GMPR: variants seen among roughly 807,000 people sequenced by gnomAD.
GMPR encodes guanosine monophosphate reductase.
A neutral mutation model predicts 38.4 loss-of-function variants in GMPR; 31 were observed. That is an observed-to-expected ratio of 0.81 (90% confidence interval 0.61 to 1.09). GMPR has a LOEUF of 1.09. Among genes scored for constraint, GMPR ranks in the 50% least tolerant of loss-of-function variants. The pLI is 0.00. For synonymous variants in GMPR, 162 were observed against 173.3 expected, an observed-to-expected ratio of 0.93 and a Z score of 0.51; for missense variants, 468 against 453.7, an observed-to-expected ratio of 1.03 and a Z score of -0.29.
intron 4 of GMPR, among the ~76,000 whole-genome samples, chr6:16,266,486 C>T (rs1465891013): frequency 1.2e-5 from 1 of 84,450 alleles, no homozygotes; most frequent in Non-Finnish European, 2.2e-5. Context: ...GAAAAGGTGG[C>T]ACGTCCGACG....
intron 8 of GMPR, among the ~76,000 whole-genome samples, chr6:16,294,568 A>T (rs1362891118): frequency 6.6e-6 from 1 of 152,158 alleles, no homozygotes; most frequent in Non-Finnish European, 1.5e-5. Context: ...CCAGGGGGGA[A>T]TCGGCCAGGG....
At chr6:16,266,799 CAAACAAAA>C (rs1561827715) in intron 4 of GMPR, among the ~76,000 whole-genome samples, 2 of 151,154 alleles carry the variant, frequency 1.3e-5, no homozygotes, top group African/African-American at 4.9e-5. Context: ...AAAAAACAAA[CAAACAAAA>C]AAAGAGCTGT....
chr6:16,294,899 G>A (rs1272178229), intron 8 of GMPR, 107 bp from the exon 9 acceptor site: 1 of 832,736 alleles, frequency 1.2e-6, no homozygotes, highest in African/African-American at 1.8e-5. Context: ...CTGGTTTTCT[G>A]AGTGCCTTGG....
chr6:16,265,694 CTG>C (rs997722135), intron 4 of GMPR, among the ~76,000 whole-genome samples: 1 of 152,222 alleles, frequency 6.6e-6, no homozygotes, highest in African/African-American at 2.4e-5. Context: ...AATCAGCACT[CTG>C]TAAAAACACA....
At chr6:16,277,796 G>T (rs1581662108) in intron 5 of GMPR, among the ~76,000 whole-genome samples, 1 of 152,176 alleles carries the variant, frequency 6.6e-6, no homozygotes, top group African/African-American at 2.4e-5. Context: ...GTTTGGCTAG[G>T]CGGGCTGGTA....
Position 16,295,111 on chromosome 6 carries a change from C to T in GMPR, c.963C>T (p.Ala321=), listed in dbSNP as rs138376051. 5.5e-5 allele frequency: 87 copies of T among 1,576,826 alleles called. 1 individual carries two copies. Among genetic ancestry groups the T allele is most frequent in the Middle Eastern group, 5.1e-4 (3 of 5,856 alleles). ...GLRSTCTYVG[A]AKLKELSRRA... ...GGTCCACGTGCACCTACGTGGGGGCCGCCAAACTCAAGGAGCTCAGCAGGA... is the reference window on the plus strand; with the variant it reads ...GGTCCACGTGCACCTACGTGGGGGCTGCCAAACTCAAGGAGCTCAGCAGGA... Residue 321 remains alanine, a synonymous_variant, in exon 9 of 9, where the codon GCC becomes GCT. Coordinates refer to ENST00000259727, the MANE Select transcript of GMPR (RefSeq NM_006877.4).
intron 8 of GMPR, 49 bp from the exon 9 acceptor site, chr6:16,294,957 A>T: frequency 6.8e-7 from 1 of 1,468,564 alleles, no homozygotes; most frequent in Non-Finnish European, 9.5e-7. Context: ...TTGGGCTCTT[A>T]AGGTGGGGCG....
intron 7 of GMPR, among the ~76,000 whole-genome samples, chr6:16,287,166 C>A (rs1253811683): frequency 6.6e-6 from 1 of 152,208 alleles, no homozygotes; most frequent in Non-Finnish European, 1.5e-5. Context: ...CACAGCCCTA[C>A]AATCAGGGGC....
intron 5 of GMPR, among the ~76,000 whole-genome samples, chr6:16,276,563 C>T (rs1759476042): frequency 6.6e-6 from 1 of 152,178 alleles, no homozygotes; most frequent in Admixed American, 6.5e-5. Context: ...TCCCCAGAAG[C>T]TGTATTGTCC....
intron 6 of GMPR, among the ~76,000 whole-genome samples, chr6:16,281,699 A>G (rs981331270): frequency 4.0e-5 from 6 of 151,518 alleles, no homozygotes; most frequent in African/African-American, 1.5e-4. Context: ...TAGTAGAGGC[A>G]GGGTTTCACC....
intron 1 of GMPR, among the ~76,000 whole-genome samples, chr6:16,242,012 T>TA (rs1383731814): frequency 2.0e-5 from 3 of 152,116 alleles, no homozygotes; most frequent in Non-Finnish European, 4.4e-5. Context: ...GTGCCGGGAT[T>TA]ACAGGTGTGA....
At chr6:16,288,657 C>T (rs1363909183) in intron 7 of GMPR, among the ~76,000 whole-genome samples, 1 of 152,228 alleles carries the variant, frequency 6.6e-6, no homozygotes, top group Non-Finnish European at 1.5e-5. Context: ...GGGCGTGGGA[C>T]TGGTGGGCAG....
chr6:16,295,190 TG>T lies in GMPR; in HGVS notation c.*8del. ...GCACAACACCGTGTTCAGCTAACCCTGGGGACAAAGCAGCGTCTGGCTCGAG... is the reference window on the plus strand; with the variant it reads ...GCACAACACCGTGTTCAGCTAACCCTGGGACAAAGCAGCGTCTGGCTCGAG... On this transcript the variant is annotated 3_prime_UTR_variant, in exon 9 of 9. Transcript: ENST00000259727. The T allele has an allele frequency of 6.7e-7, 1 of 1,503,122 alleles. No individual in the cohort carries two copies. 93.1% of individuals were successfully genotyped at this position (1,503,122 alleles called of 1,614,324 possible).
chr6:16,264,765 G>A (rs1390062136), intron 4 of GMPR, among the ~76,000 whole-genome samples: 1 of 152,118 alleles, frequency 6.6e-6, no homozygotes. Flanking sequence ...ATCAGTTAAG[G>A]CAGGAACAGG....
chr6:16,267,812 T>C (rs1759292167), intron 4 of GMPR, among the ~76,000 whole-genome samples: 1 of 152,174 alleles, frequency 6.6e-6, no homozygotes, highest in South Asian at 2.1e-4. Flanking sequence ...TCAGATTAGA[T>C]AGAGGCCAAG....
chr6:16,260,164 T>G (rs1215224058), intron 4 of GMPR, among the ~76,000 whole-genome samples: 2 of 152,048 alleles, frequency 1.3e-5, no homozygotes, highest in Non-Finnish European at 2.9e-5. Flanking sequence ...CAGTCCTTTT[T>G]AAGTTGGTGG....
chr6:16,284,567 G>A (rs1759638820), intron 6 of GMPR, among the ~76,000 whole-genome samples: 1 of 152,170 alleles, frequency 6.6e-6, no homozygotes, highest in African/African-American at 2.4e-5. Context: ...TGACACTGTT[G>A]CTGTCTCCCC....
At position 16,290,410 on chromosome 6, in the gene GMPR, C is replaced by T. The variant is rs142480824; in HGVS notation, c.698-52C>T. 5,951 of 1,558,020 alleles carry T rather than the reference C, an allele frequency of 3.8e-3. 31 individuals carry two copies. Among genetic ancestry groups the T allele is most frequent in the South Asian group, 5.7e-3 (511 of 89,094 alleles). ...ACTGGGATTTTTTGAGAGCCTTTTC[C>T]CCTGAGCTGTTTTCTCTGCTACTCG... is the stretch of plus-strand genomic sequence containing the variant. On this transcript the variant is annotated intron_variant, in intron 7 of 8. Coordinates refer to ENST00000259727, the MANE Select transcript of GMPR (RefSeq NM_006877.4).
chr6:16,294,807 C>A (rs13215954), intron 8 of GMPR, among the ~76,000 whole-genome samples, 199 bp from the exon 9 acceptor site: 30,084 of 152,016 alleles, frequency 0.2, 3,160 homozygotes, highest in South Asian at 0.26. Context: ...GCCCTTTGGG[C>A]GGGAGGAATG....
Sources: gnomAD v4.1 joint callset for allele counts (sites outside exome capture counted in the v4.1 genomes callset) on GRCh38, gnomAD v4.1.1 for gene constraint, MANE v1.5 for transcripts, NCBI Gene and HGNC (gene_info 2026-07-23, HGNC 2026-07-21) for gene names.